GALNT13: variants seen among roughly 807,000 people sequenced by gnomAD.
GALNT13 encodes polypeptide N-acetylgalactosaminyltransferase 13.
In GALNT13, 28 loss-of-function variants were observed where a neutral mutation model predicts 64.2. That is an observed-to-expected ratio of 0.44 (90% CI 0.32 to 0.60). The LOEUF (loss-of-function observed/expected upper bound fraction) is 0.60, where lower values mean the gene tolerates loss of function less well. Among genes scored for constraint, GALNT13 ranks in the 20% least tolerant of loss-of-function variants. The probability of loss-of-function intolerance (pLI) is 0.05; values close to 1 mark genes in which losing one functional copy is unlikely to be tolerated. For missense variants in GALNT13, 577 were observed against 669.8 expected (o/e 0.86, Z 1.53); for synonymous variants, 214 against 224.6 (o/e 0.95, Z 0.42).
the GALNT13 span, among the ~76,000 whole-genome samples, chr2:153,256,441 T>C: frequency 6.6e-6 from 1 of 152,100 alleles, no homozygotes; most frequent in Admixed American, 6.5e-5. Flanking sequence ...AGTAATTTGA[T>C]CATCTGAAGC....
chr2:153,289,527 C>A, the GALNT13 span, among the ~76,000 whole-genome samples: 1 of 152,142 alleles, frequency 6.6e-6, no homozygotes, highest in Admixed American at 6.6e-5. Context: ...ATGTTCCTTT[C>A]ACTAGTTTCT....
chr2:154,413,912 C>T (rs1699896766), intron 11 of GALNT13, among the ~76,000 whole-genome samples: 1 of 152,012 alleles, frequency 6.6e-6, no homozygotes, highest in Non-Finnish European at 1.5e-5. Flanking sequence ...CATCAATTTC[C>T]TTGTAGCTAA....
chr2:153,551,982 A>G, the GALNT13 span, among the ~76,000 whole-genome samples: 901 of 152,300 alleles, frequency 5.9e-3, 5 homozygotes, highest in Non-Finnish European at 8.3e-3. Context: ...TGGAACCTCA[A>G]AAGGAGAGGT....
chr2:153,572,854 C>T, the GALNT13 span, among the ~76,000 whole-genome samples: 1 of 151,862 alleles, frequency 6.6e-6, no homozygotes, highest in African/African-American at 2.4e-5. Context: ...TCTTTTGTGA[C>T]CTAACACATA....
At chr2:153,557,529 G>A in the GALNT13 span, among the ~76,000 whole-genome samples, 1 of 152,174 alleles carries the variant, frequency 6.6e-6, no homozygotes, top group Non-Finnish European at 1.5e-5. Context: ...CTATTCACCT[G>A]AGGGTTACCA....
At chr2:153,721,006 T>C in the GALNT13 span, among the ~76,000 whole-genome samples, 1 of 151,940 alleles carries the variant, frequency 6.6e-6, no homozygotes. Flanking sequence ...AGATACATAA[T>C]TGTCAGATTC....
intron 3 of GALNT13, among the ~76,000 whole-genome samples, chr2:154,072,268 T>C (rs537589564): frequency 1.3e-5 from 2 of 152,242 alleles, no homozygotes; most frequent in African/African-American, 4.8e-5. Context: ...TCTGGACTAG[T>C]GCTACATGGC....
At chr2:153,987,575 T>A (rs903295125) in intron 3 of GALNT13, among the ~76,000 whole-genome samples, 1 of 151,914 alleles carries the variant, frequency 6.6e-6, no homozygotes, top group Non-Finnish European at 1.5e-5. Flanking sequence ...GTAATGAATT[T>A]GGGCATATTA....
the GALNT13 span, among the ~76,000 whole-genome samples, chr2:153,589,508 C>T: frequency 6.6e-6 from 1 of 152,146 alleles, no homozygotes; most frequent in Non-Finnish European, 1.5e-5. Context: ...TCAGCAGTGC[C>T]CCACTCTACT....
the GALNT13 span, among the ~76,000 whole-genome samples, chr2:153,283,615 G>A: frequency 1.2e-3 from 175 of 152,108 alleles, no homozygotes; most frequent in African/African-American, 4.0e-3. Context: ...ACTTCACCAC[G>A]ATCTCTTCAC....
intron 4 of GALNT13, among the ~76,000 whole-genome samples, chr2:154,149,321 G>A (rs185082054): frequency 4.5e-4 from 68 of 152,174 alleles, no homozygotes; most frequent in Admixed American, 9.2e-4. Flanking sequence ...TGCTGTTTTC[G>A]TTACAGTAGC....
chr2:153,429,689 C>T, the GALNT13 span, among the ~76,000 whole-genome samples: 1 of 152,142 alleles, frequency 6.6e-6, no homozygotes, highest in East Asian at 1.9e-4. Flanking sequence ...TCAAAATTTA[C>T]CCTCTGCTGG....
At chr2:153,878,524 C>A (rs1686552776) in intron 1 of GALNT13, among the ~76,000 whole-genome samples, 1 of 152,090 alleles carries the variant, frequency 6.6e-6, no homozygotes, top group Non-Finnish European at 1.5e-5. Flanking sequence ...TTGCTTTAGC[C>A]TTAGTTTACT....
At chr2:153,726,577 A>G in the GALNT13 span, among the ~76,000 whole-genome samples, 1 of 152,156 alleles carries the variant, frequency 6.6e-6, no homozygotes, top group Admixed American at 6.6e-5. Context: ...CCACATAAGA[A>G]ATCTCTTTAT....
chr2:153,278,631 T>A, the GALNT13 span, among the ~76,000 whole-genome samples: 1 of 152,244 alleles, frequency 6.6e-6, no homozygotes, highest in Non-Finnish European at 1.5e-5. Flanking sequence ...CCATTGCTTA[T>A]TCTTGTCAAC....
chr2:153,131,765 A>G, the GALNT13 span, among the ~76,000 whole-genome samples: 4 of 151,856 alleles, frequency 2.6e-5, no homozygotes, highest in African/African-American at 9.7e-5. Context: ...CTGATTACTC[A>G]TTTGTATTTT....
At chr2:154,383,268 A>G (rs799792) in intron 9 of GALNT13, among the ~76,000 whole-genome samples, 62,773 of 151,702 alleles carry the variant, frequency 0.41, 13,365 homozygotes, top group African/African-American at 0.52. Flanking sequence ...TTTACTATGC[A>G]TGATGCACTG....
rs1691560527 is a variant in GALNT13 at position 153,944,380 on chromosome 2, T to C, written c.-104-14T>C. 1 of 828,450 alleles carries C rather than the reference T, an allele frequency of 1.2e-6. No individual in the cohort carries two copies. The highest frequency in any genetic ancestry group is 1.9e-6 in the Non-Finnish European group (1 of 537,414). The allele number at this position is 828,450 out of a possible 1,614,324, so 51.3% of individuals were successfully genotyped here. A position where few individuals can be genotyped will look rare whatever the true frequency, so the allele number is the denominator to read the frequency against. The stretch of plus-strand genomic sequence containing the variant: ...TGTACAATTAATGAAATTTTCTTCT[T>C]TGTTTTAATGCAGTGGAATGTATCC... On this transcript the variant is annotated splice_polypyrimidine_tract_variant and intron_variant, in intron 2 of 12. Coordinates refer to ENST00000392825, the MANE Select transcript of GALNT13 (RefSeq NM_052917.4).
At chr2:153,872,562 C>G (rs1238937) in intron 1 of GALNT13, among the ~76,000 whole-genome samples, 1 of 150,060 alleles carries the variant, frequency 6.7e-6, no homozygotes, top group East Asian at 2.1e-4. Flanking sequence ...GCGGAACTTT[C>G]TGCCGCCGCC....
Sources: gnomAD v4.1 joint callset for allele counts (sites outside exome capture counted in the v4.1 genomes callset) on GRCh38, gnomAD v4.1.1 for gene constraint, MANE v1.5 for transcripts, NCBI Gene and HGNC (gene_info 2026-07-23, HGNC 2026-07-21) for gene names.